WLS: variants seen among roughly 807,000 people sequenced by gnomAD.
The protein encoded by WLS is protein wntless homolog.
WLS carries 23 observed loss-of-function variants against 62.8 expected under a neutral mutation model. The ratio of observed to expected loss-of-function variants is 0.37; its 90% CI spans 0.26 to 0.52. The LOEUF (loss-of-function observed/expected upper bound fraction) is 0.52. WLS is among the 20% of genes least tolerant of loss of function. The pLI, the probability that WLS is intolerant of heterozygous loss-of-function variation, is 0.92. For missense variants in WLS, 615 were observed against 697.3 expected, an observed-to-expected ratio of 0.88 and a Z score of 1.33; for synonymous variants, 246 against 244.1, an observed-to-expected ratio of 1.01 and a Z score of -0.07.
intron 2 of WLS, among the ~76,000 whole-genome samples, chr1:68,190,075 T>G (rs565602520): frequency 3.9e-5 from 6 of 152,366 alleles, no homozygotes; most frequent in African/African-American, 1.4e-4. Flanking sequence ...AATTTATTCC[T>G]TAGAGTGAGT....
chr1:68,163,918 A>G (rs1647023600), intron 2 of WLS, among the ~76,000 whole-genome samples: 1 of 152,222 alleles, frequency 6.6e-6, no homozygotes, highest in Admixed American at 6.5e-5. Context: ...ACAGATAGGA[A>G]TAACTGCCCT....
At chr1:68,113,432 G>A (rs1324682559) in intron 11 of WLS, among the ~76,000 whole-genome samples, 1 of 152,194 alleles carries the variant, frequency 6.6e-6, no homozygotes, top group Non-Finnish European at 1.5e-5. Context: ...GCCACTCTGT[G>A]TTCCAGGCAC....
chr1:68,198,431 A>C (rs903498801), intron 1 of WLS, among the ~76,000 whole-genome samples: 1 of 152,242 alleles, frequency 6.6e-6, no homozygotes, highest in African/African-American at 2.4e-5. Flanking sequence ...ATGAATTGTG[A>C]AATGTGATTC....
intron 5 of WLS, among the ~76,000 whole-genome samples, chr1:68,152,669 G>A (rs1483644425): frequency 6.6e-6 from 1 of 152,206 alleles, no homozygotes; most frequent in Non-Finnish European, 1.5e-5. Context: ...GAGAACAGAG[G>A]AGAAGACATA....
At chr1:68,139,033 AG>A (rs1184213821) in intron 10 of WLS, among the ~76,000 whole-genome samples, 1 of 152,224 alleles carries the variant, frequency 6.6e-6, no homozygotes, top group East Asian at 1.9e-4. Flanking sequence ...GGCCAAATTA[AG>A]GTCTAAGTAT....
chr1:68,166,057 T>C (rs1647055404), intron 2 of WLS, among the ~76,000 whole-genome samples: 1 of 152,160 alleles, frequency 6.6e-6, no homozygotes, highest in Non-Finnish European at 1.5e-5. Flanking sequence ...TTTTAAAATA[T>C]GCGGTTTAAA....
chr1:68,216,759 G>A (rs905204395), intron 1 of WLS, among the ~76,000 whole-genome samples: 2 of 152,120 alleles, frequency 1.3e-5, no homozygotes, highest in African/African-American at 4.8e-5. Flanking sequence ...GAGGGTTAAT[G>A]GTTTTCATAT....
chr1:68,179,867 G>A (rs752370101), intron 2 of WLS, among the ~76,000 whole-genome samples: 4 of 152,118 alleles, frequency 2.6e-5, no homozygotes, highest in Non-Finnish European at 4.4e-5. Flanking sequence ...TGCTAATAAA[G>A]GTAGATCTCG....
At chr1:68,202,861 A>G (rs1203336005) in intron 1 of WLS, 1 of 152,138 alleles carries the variant, frequency 6.6e-6, no homozygotes, top group Admixed American at 6.5e-5. Flanking sequence ...GGCTCTGGCA[A>G]AGCTGTAGGG....
intron 1 of WLS, among the ~76,000 whole-genome samples, chr1:68,195,925 C>T (rs1432568240): frequency 1.3e-5 from 2 of 151,784 alleles, no homozygotes; most frequent in African/African-American, 4.8e-5. Flanking sequence ...ACAGACCCTC[C>T]CTTTTGTTGA....
At chr1:68,156,125 T>C (rs1173800854) in intron 3 of WLS, among the ~76,000 whole-genome samples, 2 of 152,030 alleles carry the variant, frequency 1.3e-5, no homozygotes, top group Non-Finnish European at 2.9e-5. Flanking sequence ...GTGTACCTGC[T>C]GAGGGGTGGG....
intron 11 of WLS, among the ~76,000 whole-genome samples, chr1:68,118,049 A>C (rs182883959): frequency 1.3e-5 from 2 of 152,346 alleles, no homozygotes; most frequent in Admixed American, 1.3e-4. Flanking sequence ...TTTAAGCATG[A>C]AAGCAAAACT....
At chr1:68,121,123 A>G (rs1646359452), downstream of WLS, 1 of 152,212 alleles carries the variant, frequency 6.6e-6, no homozygotes, top group Non-Finnish European at 1.5e-5. Context: ...CCATTTTCCT[A>G]GGACATCAAG....
At chr1:68,118,157 G>C (rs980060359) in intron 11 of WLS, among the ~76,000 whole-genome samples, 3 of 152,130 alleles carry the variant, frequency 2.0e-5, no homozygotes, top group Admixed American at 2.0e-4. Flanking sequence ...GTGACAAATG[G>C]AGAAAAGTTG....
chr1:68,108,456 C>G (rs1646176857), intron 11 of WLS, among the ~76,000 whole-genome samples: 1 of 152,156 alleles, frequency 6.6e-6, no homozygotes, highest in Non-Finnish European at 1.5e-5. Context: ...CTGTGTCCCT[C>G]CCACCTCTAA....
chr1:68,144,711 T>C (rs1306246486), intron 9 of WLS, 59 bp from the exon 10 acceptor site: 6 of 1,376,498 alleles, frequency 4.4e-6, no homozygotes, highest in Non-Finnish European at 6.1e-6. Context: ...TTTCTCACTA[T>C]GTAAATCTAT....
intron 11 of WLS, among the ~76,000 whole-genome samples, chr1:68,107,607 T>A (rs980162811): frequency 6.6e-6 from 1 of 152,196 alleles, no homozygotes; most frequent in Non-Finnish European, 1.5e-5. Flanking sequence ...ACCTTTCAAC[T>A]GTACCTCACT....
At chr1:68,123,834 C>T (rs964939620), downstream of WLS, among the ~76,000 whole-genome samples, 3 of 152,138 alleles carry the variant, frequency 2.0e-5, no homozygotes, top group Non-Finnish European at 4.4e-5. Context: ...GAGAAAGGTG[C>T]ATGGATTCCT....
intron 2 of WLS, among the ~76,000 whole-genome samples, chr1:68,192,671 G>T (rs1648381921): frequency 6.7e-6 from 1 of 149,890 alleles, no homozygotes; most frequent in Non-Finnish European, 1.5e-5. Context: ...CTTGAACCCA[G>T]GAGTTCGAGG....
Sources: gnomAD v4.1 joint callset for allele counts (sites outside exome capture counted in the v4.1 genomes callset) on GRCh38, gnomAD v4.1.1 for gene constraint, MANE v1.5 for transcripts, NCBI Gene and HGNC (gene_info 2026-07-23, HGNC 2026-07-21) for gene names.